Variants in TBC1D8 observed in about 807,000 individuals in gnomAD.
TBC1D8 encodes BUB2-like protein 1.
Under a neutral mutation model 118.8 loss-of-function variants are expected in TBC1D8, and 65 were observed. That is an observed-to-expected ratio of 0.55 (90% CI 0.45 to 0.67). The LOEUF is 0.67. TBC1D8 is among the 30% of genes least tolerant of loss of function. TBC1D8 has a pLI of 0.00. For missense variants in TBC1D8, 1,376 were observed against 1,471.2 expected, an observed-to-expected ratio of 0.94 and a Z score of 1.06; for synonymous variants, 566 against 595.8, an observed-to-expected ratio of 0.95 and a Z score of 0.73.
chr2:101,068,083 T>C (rs1251770936), intron 2 of TBC1D8, among the ~76,000 whole-genome samples: 1 of 152,198 alleles, frequency 6.6e-6, no homozygotes, highest in African/African-American at 2.4e-5. Context: ...GCTCCACTTC[T>C]AATTCCAGTT....
At chr2:101,126,422 C>T (rs1370774867) in intron 1 of TBC1D8, among the ~76,000 whole-genome samples, 1 of 152,180 alleles carries the variant, frequency 6.6e-6, no homozygotes, top group Non-Finnish European at 1.5e-5. Flanking sequence ...AGCTTCTCTG[C>T]TGGGTACATA....
intron 1 of TBC1D8, among the ~76,000 whole-genome samples, chr2:101,144,362 C>T (rs1679236867): frequency 1.3e-5 from 2 of 152,050 alleles, no homozygotes; most frequent in African/African-American, 4.8e-5. Context: ...TCAGGCGGAG[C>T]CCCAAAGGTT....
chr2:101,023,526 T>C (rs1373743266), intron 15 of TBC1D8: 3 of 349,928 alleles, frequency 8.6e-6, no homozygotes, highest in Non-Finnish European at 1.7e-5. Context: ...TGGCTACCTG[T>C]GGGGAGGGCC....
At chr2:101,100,158 CAA>C (rs1194359459) in intron 1 of TBC1D8, among the ~76,000 whole-genome samples, 1 of 152,152 alleles carries the variant, frequency 6.6e-6, no homozygotes, top group Non-Finnish European at 1.5e-5. Context: ...GTAACATCAG[CAA>C]AGTCTCAGGA....
At chr2:101,014,086 T>A (rs1679434327) in intron 17 of TBC1D8, among the ~76,000 whole-genome samples, 1 of 152,236 alleles carries the variant, frequency 6.6e-6, no homozygotes, top group South Asian at 2.1e-4. Context: ...GCAGGGATCA[T>A]ACATCCAATT....
intron 3 of TBC1D8, among the ~76,000 whole-genome samples, chr2:101,054,672 C>CTTTTTT (rs34465252): frequency 9.0e-4 from 23 of 25,434 alleles, no homozygotes; most frequent in South Asian, 2.2e-3. Context: ...CTTTTCTTTT[C>CTTTTTT]TTTTTTTTTT....
chr2:101,018,150 A>G (rs1679791462), intron 17 of TBC1D8: 1 of 511,554 alleles, frequency 2.0e-6, no homozygotes, highest in African/African-American at 1.9e-5. Context: ...TCCCTCATTC[A>G]TACAGATATT....
intron 1 of TBC1D8, among the ~76,000 whole-genome samples, chr2:101,118,579 C>T (rs1204578148): frequency 6.6e-6 from 1 of 151,998 alleles, no homozygotes; most frequent in African/African-American, 2.4e-5. Context: ...CACCTGTAGT[C>T]CCAACTACTC....
At position 101,064,713 on chromosome 2, in the gene TBC1D8, G is replaced by A. The variant is rs188283473; in HGVS notation, c.284-5174C>T. ...GAAACCTCAGGTAAGACCACATAAC[G>A]AACAACACTGATGACTTAGGAGTAA... On this transcript the variant is annotated intron_variant, in intron 2 of 19. Transcript: ENST00000409318. Among the ~76,000 whole-genome samples the A allele has an allele frequency of 1.6e-3, 245 of 152,166 alleles. 3 individuals are homozygous for A. The highest frequency in any genetic ancestry group is 1.9e-3 in the East Asian group (10 of 5,184).
chr2:101,056,404 G>A (rs565165328), intron 3 of TBC1D8, among the ~76,000 whole-genome samples: 5 of 151,910 alleles, frequency 3.3e-5, no homozygotes, highest in South Asian at 2.1e-4. Flanking sequence ...GGGTTTCACC[G>A]TGTTAGCCAG....
chr2:101,051,196 G>A (rs1461402452), intron 4 of TBC1D8, among the ~76,000 whole-genome samples: 1 of 152,132 alleles, frequency 6.6e-6, no homozygotes, highest in Non-Finnish European at 1.5e-5. Flanking sequence ...CTTTGCTATT[G>A]TGAATAGTGC....
At chr2:101,085,651 G>C (rs1001822988) in intron 2 of TBC1D8, among the ~76,000 whole-genome samples, 15 of 152,144 alleles carry the variant, frequency 9.9e-5, no homozygotes, top group Admixed American at 9.8e-4. Context: ...GGATGAGAAC[G>C]CAAGGTTCCA....
intron 1 of TBC1D8, among the ~76,000 whole-genome samples, chr2:101,105,831 C>T (rs1677172789): frequency 6.6e-6 from 1 of 152,010 alleles, no homozygotes; most frequent in African/African-American, 2.4e-5. Flanking sequence ...TAAACACAGC[C>T]TTATCGTATG....
chr2:101,026,009 T>C (rs1680317105), intron 15 of TBC1D8, among the ~76,000 whole-genome samples: 1 of 152,252 alleles, frequency 6.6e-6, no homozygotes. Flanking sequence ...ATAGGAAGGA[T>C]AAAAACAGGA....
At chr2:101,111,448 C>A (rs1324833298) in intron 1 of TBC1D8, among the ~76,000 whole-genome samples, 1 of 152,172 alleles carries the variant, frequency 6.6e-6, no homozygotes, top group Non-Finnish European at 1.5e-5. Flanking sequence ...ATCCACAACA[C>A]GAATGCCTGA....
intron 2 of TBC1D8, among the ~76,000 whole-genome samples, chr2:101,072,511 T>G (rs1674516454): frequency 6.6e-6 from 1 of 152,156 alleles, no homozygotes; most frequent in Admixed American, 6.5e-5. Flanking sequence ...TCCCCAAACT[T>G]TCTGGCACCA....
intron 17 of TBC1D8, among the ~76,000 whole-genome samples, chr2:101,011,959 G>T (rs1404157506): frequency 1.3e-5 from 2 of 152,182 alleles, no homozygotes; most frequent in African/African-American, 4.8e-5. Context: ...TTTCAGGATA[G>T]TATTTCTCTA....
intron 1 of TBC1D8, among the ~76,000 whole-genome samples, chr2:101,108,039 G>A (rs1677336856): frequency 7.0e-6 from 1 of 143,184 alleles, no homozygotes; most frequent in Non-Finnish European, 1.5e-5. Flanking sequence ...CTGGGCAAGA[G>A]AGCAAGGCTC....
At chr2:101,011,313 G>T (rs973462749) in intron 18 of TBC1D8, 138 bp downstream of exon 18, 43 of 922,752 alleles carry the variant, frequency 4.7e-5, no homozygotes, top group Non-Finnish European at 6.7e-5. Flanking sequence ...GTCCTCTAAA[G>T]GCAGTGAGTT....
Sources: gnomAD v4.1 joint callset for allele counts (sites outside exome capture counted in the v4.1 genomes callset) on GRCh38, gnomAD v4.1.1 for gene constraint, MANE v1.5 for transcripts, NCBI Gene and HGNC (gene_info 2026-07-23, HGNC 2026-07-21) for gene names.